ADGRL2: variants seen among roughly 807,000 people sequenced by gnomAD.
ADGRL2 encodes the protein adhesion G protein-coupled receptor L2.
In ADGRL2, 44 loss-of-function variants were observed where a neutral mutation model predicts 157.4. The ratio of observed to expected loss-of-function variants is 0.28; its 90% CI spans 0.22 to 0.36. ADGRL2 has a LOEUF of 0.36. Among genes scored for constraint, ADGRL2 ranks in the 10% least tolerant of loss-of-function variants. The probability of loss-of-function intolerance (pLI) is 1.00; values close to 1 mark genes in which losing one functional copy is unlikely to be tolerated. For missense variants in ADGRL2, 1,510 were observed against 1,768.9 expected, an observed-to-expected ratio of 0.85 and a Z score of 2.63; for synonymous variants, 585 against 624.7, an observed-to-expected ratio of 0.94 and a Z score of 0.95.
At chr1:81,383,619 G>A (rs551242860) in intron 1 of ADGRL2, among the ~76,000 whole-genome samples, 1 of 150,162 alleles carries the variant, frequency 6.7e-6, no homozygotes, top group African/African-American at 2.4e-5. Context: ...ACTCAGTCTT[G>A]ACCAAGTCTT....
chr1:81,551,903 G>A (rs534839444), intron 2 of ADGRL2, among the ~76,000 whole-genome samples: 7 of 152,082 alleles, frequency 4.6e-5, no homozygotes, highest in Non-Finnish European at 5.9e-5. Context: ...AATACTCCCC[G>A]GATTAACTGA....
At chr1:81,618,147 C>A (rs931895893) in intron 3 of ADGRL2, among the ~76,000 whole-genome samples, 2 of 151,768 alleles carry the variant, frequency 1.3e-5, no homozygotes, top group African/African-American at 4.8e-5. Context: ...ATCATTAAAT[C>A]GGTATATTAA....
chr1:81,323,411 ATTTTTT>A (rs138358062), intron 1 of ADGRL2, among the ~76,000 whole-genome samples: 17 of 109,742 alleles, frequency 1.5e-4, no homozygotes, highest in South Asian at 1.2e-3. Flanking sequence ...GACTAATTCA[ATTTTTT>A]TTTTTTTTTT....
intron 1 of ADGRL2, among the ~76,000 whole-genome samples, chr1:81,371,687 C>A: frequency 6.6e-6 from 1 of 152,154 alleles, no homozygotes; most frequent in East Asian, 1.9e-4. Flanking sequence ...TAATTGTTTA[C>A]TGGGAAATAC....
intron 1 of ADGRL2, among the ~76,000 whole-genome samples, chr1:81,817,551 TATA>T (rs2149785242): frequency 6.6e-6 from 1 of 152,194 alleles, no homozygotes; most frequent in African/African-American, 2.4e-5. Flanking sequence ...TCTTTAAAAA[TATA>T]GTACAAATAT....
At chr1:81,977,396 A>G (rs1006114135) in intron 17 of ADGRL2, among the ~76,000 whole-genome samples, 9 of 151,872 alleles carry the variant, frequency 5.9e-5, no homozygotes, top group Non-Finnish European at 1.3e-4. Flanking sequence ...TTTCTATGGC[A>G]TATTCACCTT....
chr1:81,502,184 G>A lies in ADGRL2; in HGVS notation c.-248+57095G>A. On this transcript the variant is annotated intron_variant, in intron 2 of 24. Coordinates refer to the ADGRL2 transcript ENST00000370721. ...AGTAGCTCGCCAAGATCCCAGAGTG[G>A]CACCCATGTCCAATCTACTTCCAGC... 6 of 1,593,566 alleles carry A rather than the reference G, an allele frequency of 3.8e-6. No homozygotes were observed. In the South Asian group the frequency reaches 6.8e-5, roughly 18 times the overall value.
intron 1 of ADGRL2, among the ~76,000 whole-genome samples, chr1:81,820,186 C>T (rs946693705): frequency 3.3e-5 from 5 of 152,278 alleles, no homozygotes; most frequent in African/African-American, 4.8e-5. Flanking sequence ...GTGATTAACT[C>T]AGAGTAGGCT....
chr1:81,370,456 A>G (rs1346563868), intron 1 of ADGRL2, among the ~76,000 whole-genome samples: 1 of 152,174 alleles, frequency 6.6e-6, no homozygotes, highest in Non-Finnish European at 1.5e-5. Context: ...ACAAAATTCT[A>G]AATAAGGTGA....
chr1:81,547,946 T>C (rs150502314), intron 2 of ADGRL2, among the ~76,000 whole-genome samples: 2 of 152,222 alleles, frequency 1.3e-5, no homozygotes, highest in African/African-American at 2.4e-5. Context: ...ATCAATGTTA[T>C]TTTATGTTTT....
intron 3 of ADGRL2, among the ~76,000 whole-genome samples, chr1:81,667,462 A>G (rs968387937): frequency 4.6e-5 from 7 of 152,236 alleles, no homozygotes; most frequent in African/African-American, 1.7e-4. Context: ...AACATTTTGT[A>G]TAAAGACAGT....
chr1:81,698,380 G>A (rs1453078456), upstream of ADGRL2, among the ~76,000 whole-genome samples: 1 of 152,180 alleles, frequency 6.6e-6, no homozygotes, highest in African/African-American at 2.4e-5. Flanking sequence ...TCAAGAGTTT[G>A]TAGGTTAGTT....
At chr1:81,720,344 A>G (rs1325356815) in intron 1 of ADGRL2, among the ~76,000 whole-genome samples, 1 of 151,774 alleles carries the variant, frequency 6.6e-6, no homozygotes, top group Non-Finnish European at 1.5e-5. Context: ...TAATTTTTGT[A>G]TTTTTAGTAG....
At chr1:81,778,811 T>A (rs769392530) in intron 2 of ADGRL2, among the ~76,000 whole-genome samples, 26 of 152,206 alleles carry the variant, frequency 1.7e-4, no homozygotes, top group Non-Finnish European at 3.7e-4. Flanking sequence ...GTTTCCCCAG[T>A]AGGGCATACA....
chr1:81,324,727 T>C (rs1466140647), intron 1 of ADGRL2, among the ~76,000 whole-genome samples: 1 of 151,222 alleles, frequency 6.6e-6, no homozygotes, highest in Non-Finnish European at 1.5e-5. Flanking sequence ...TGAGGAAACT[T>C]TTTTTTTGAG....
chr1:81,452,121 A>G (rs1279111762), intron 2 of ADGRL2, among the ~76,000 whole-genome samples: 2 of 152,086 alleles, frequency 1.3e-5, no homozygotes, highest in Admixed American at 1.3e-4. Flanking sequence ...TATCCTGTGA[A>G]CATACATTGT....
chr1:81,495,848 C>A (rs2078719638), intron 2 of ADGRL2, among the ~76,000 whole-genome samples: 2 of 152,070 alleles, frequency 1.3e-5, no homozygotes, highest in Admixed American at 1.3e-4. Context: ...TCATTGGTAA[C>A]CATTTCTCAT....
chr1:81,971,357 T>C (rs918207892), intron 16 of ADGRL2, among the ~76,000 whole-genome samples: 2 of 152,192 alleles, frequency 1.3e-5, no homozygotes, highest in African/African-American at 4.8e-5. Flanking sequence ...ATTTATCCAT[T>C]CCTAGTGGAG....
chr1:81,349,373 G>A (rs78625956), intron 1 of ADGRL2, among the ~76,000 whole-genome samples: 1 of 152,130 alleles, frequency 6.6e-6, no homozygotes, highest in Non-Finnish European at 1.5e-5. Flanking sequence ...GTTGTCTTAG[G>A]ATGTAAACTT....
Sources: allele counts gnomAD v4.1 joint callset (sites outside exome capture counted in the v4.1 genomes callset), GRCh38; gene constraint gnomAD v4.1.1; transcripts MANE v1.5; gene names NCBI Gene and HGNC (gene_info 2026-07-23, HGNC 2026-07-21).